The following TRHDE variants were observed in gnomAD, a reference collection of about 807,000 sequenced individuals.
The protein encoded by TRHDE is thyrotropin releasing hormone degrading enzyme.
A neutral mutation model predicts 125.7 loss-of-function variants in TRHDE; 72 were observed. That is an observed-to-expected ratio of 0.57 (90% CI 0.47 to 0.70). The LOEUF (loss-of-function observed/expected upper bound fraction) is 0.70, where lower values mean the gene tolerates loss of function less well. Among genes scored for constraint, TRHDE ranks in the 30% least tolerant of loss-of-function variants. The pLI, the probability that TRHDE is intolerant of heterozygous loss-of-function variation, is 0.00. For missense variants in TRHDE, 1,110 were observed against 1,327.1 expected, an observed-to-expected ratio of 0.84 and a Z score of 2.54; for synonymous variants, 509 against 509.1, an observed-to-expected ratio of 1.00 and a Z score of 0.00.
intron 6 of TRHDE, among the ~76,000 whole-genome samples, chr12:72,539,803 A>C (rs1185071853): frequency 1.3e-5 from 2 of 151,858 alleles, no homozygotes; most frequent in Non-Finnish European, 2.9e-5. Context: ...AACAGTGATG[A>C]GTTTTCTAGA....
At chr12:72,510,217 C>T (rs986117536) in intron 6 of TRHDE, among the ~76,000 whole-genome samples, 4 of 152,198 alleles carry the variant, frequency 2.6e-5, no homozygotes, top group South Asian at 4.2e-4. Context: ...CTACTCACAG[C>T]GAATCAGTTA....
At chr12:72,238,368 TAC>T (rs1878404593) in intron 2 of TRHDE, among the ~76,000 whole-genome samples, 1 of 79,416 alleles carries the variant, frequency 1.3e-5, no homozygotes, top group Non-Finnish European at 2.7e-5. Context: ...TATATACACA[TAC>T]ATATATATAT....
At chr12:72,632,081 A>G (rs1358537186) in intron 15 of TRHDE, among the ~76,000 whole-genome samples, 1 of 151,984 alleles carries the variant, frequency 6.6e-6, no homozygotes, top group Admixed American at 6.6e-5. Flanking sequence ...ATTTGTCGAG[A>G]TGTAGCCTAA....
chr12:72,156,969 C>G (rs1876527990), intron 2 of TRHDE, among the ~76,000 whole-genome samples: 1 of 152,060 alleles, frequency 6.6e-6, no homozygotes, highest in Admixed American at 6.5e-5. Flanking sequence ...TGCACACATG[C>G]TGTTATTGCT....
rs461075 is a variant in TRHDE, at chr12:72,666,602, C to T, written c.*3407C>T. 144,234 of 152,170 alleles carry T rather than the reference C, an allele frequency of 0.95. 68,366 individuals are homozygous for T. The highest frequency in any genetic ancestry group is 1 in the East Asian group (5,150 of 5,160). The allele number at this position is 152,170 out of a possible 1,614,324, so 9.4% of individuals were successfully genotyped here. On this transcript the variant is annotated 3_prime_UTR_variant, in exon 19 of 19. Transcript: ENST00000261180. ...GTTGTTATTTTGGGAACCAATATAA[C>T]AACCTAAGTCTATCACAACATCATT...
Position 72,530,756 on chromosome 12 carries a change from C to T in TRHDE, c.1723-11535C>T, listed in dbSNP as rs1868512210. Among the ~76,000 whole-genome samples the T allele has an allele frequency of 2.0e-5, 3 of 151,786 alleles. No homozygotes were observed. In the South Asian group the frequency reaches 6.2e-4, roughly 32 times the overall value. On this transcript the variant is annotated intron_variant, in intron 6 of 18. Transcript: ENST00000261180. The stretch of plus-strand genomic sequence containing the variant: ...ATGTCAATTTATTAAAGAAATCTTT[C>T]CTGATTATCTTACCTAACATATGAG...
chr12:72,352,540 T>C (rs1870628677), intron 2 of TRHDE, among the ~76,000 whole-genome samples: 1 of 151,866 alleles, frequency 6.6e-6, no homozygotes, highest in Non-Finnish European at 1.5e-5. Context: ...ATAATACTTT[T>C]GAATATCTGT....
At chr12:72,590,885 CTCTA>C (rs1415036090) in intron 12 of TRHDE, among the ~76,000 whole-genome samples, 7 of 152,100 alleles carry the variant, frequency 4.6e-5, no homozygotes, top group Admixed American at 2.0e-4. Flanking sequence ...TTATTGTTCC[CTCTA>C]TCTTTTTATT....
intron 2 of TRHDE, among the ~76,000 whole-genome samples, chr12:72,127,850 A>G (rs563487931): frequency 8.5e-5 from 13 of 152,248 alleles, no homozygotes; most frequent in African/African-American, 3.1e-4. Context: ...ATATGTACAG[A>G]GAGACATTGT....
At chr12:72,385,072 T>C (rs951162103) in intron 3 of TRHDE, among the ~76,000 whole-genome samples, 3 of 152,142 alleles carry the variant, frequency 2.0e-5, no homozygotes, top group African/African-American at 7.2e-5. Flanking sequence ...TGCCTTGCCT[T>C]TGATTAGGTA....
In TRHDE at chr12:72,339,576, A is replaced by T. The variant is rs183393113; in HGVS notation, c.1189-38419A>T. Among the ~76,000 whole-genome samples the T allele has an allele frequency of 1.7e-3, 260 of 152,178 alleles. 1 individual carries two copies. Among genetic ancestry groups the T allele is most frequent in the African/African-American group, 5.9e-3 (247 of 41,540 alleles). On this transcript the variant is annotated intron_variant, in intron 2 of 18. Coordinates refer to ENST00000261180, the MANE Select transcript of TRHDE (RefSeq NM_013381.3). ...CTAGCAGGATTTTGCTCTCATAGTT[A>T]TGTTTCCAATGAGCATCTTCTATTT...
intron 12 of TRHDE, among the ~76,000 whole-genome samples, chr12:72,606,867 A>G (rs555161139): frequency 6.6e-6 from 1 of 152,246 alleles, no homozygotes; most frequent in Non-Finnish European, 1.5e-5. Flanking sequence ...CACACTTCAA[A>G]TTAATTTATT....
chr12:72,555,669 T>C (rs1869887365), intron 7 of TRHDE, among the ~76,000 whole-genome samples: 2 of 152,182 alleles, frequency 1.3e-5, no homozygotes. Context: ...TTTAAGTTGG[T>C]CATCTGTCAC....
At chr12:72,347,562 C>A (rs910656746) in intron 2 of TRHDE, among the ~76,000 whole-genome samples, 58 of 151,988 alleles carry the variant, frequency 3.8e-4, no homozygotes, top group African/African-American at 1.3e-3. Context: ...GCAGTCATCT[C>A]GGTTCACCAT....
chr12:72,189,016 G>A (rs1877285598), intron 2 of TRHDE, among the ~76,000 whole-genome samples: 1 of 152,102 alleles, frequency 6.6e-6, no homozygotes, highest in African/African-American at 2.4e-5. Context: ...TCAGAAATGA[G>A]GATAATAAAA....
chr12:72,591,496 C>A (rs1871679546), intron 12 of TRHDE, among the ~76,000 whole-genome samples: 1 of 151,736 alleles, frequency 6.6e-6, no homozygotes, highest in Admixed American at 6.6e-5. Flanking sequence ...CTTTAAAAAA[C>A]CCAAAAGAAA....
rs1348844412 is a variant in TRHDE at position 72,238,317 on chromosome 12, T to TACACACATA, written n.279+132566_279+132567insCACACATAA. On this transcript the variant is annotated intron_variant and non_coding_transcript_variant, in intron 2 of 4. Transcript: ENST00000548156. The stretch of plus-strand genomic sequence containing the variant: ...ATATATATATATATATATATATATA[T>TACACACATA]ATATACATATATATATACACATTAT... Among the ~76,000 whole-genome samples the TACACACATA allele has an allele frequency of 6.3e-5, 2 of 31,540 alleles. 1 individual carries two copies. The highest frequency in any genetic ancestry group is 1.4e-4 in the Non-Finnish European group (2 of 14,586). The allele number at this position is 31,540 out of a possible 152,430, so 20.7% of individuals were successfully genotyped here.
intron 1 of TRHDE, among the ~76,000 whole-genome samples, chr12:72,279,666 A>G (rs555078606): frequency 1.3e-5 from 2 of 152,312 alleles, no homozygotes; most frequent in South Asian, 4.1e-4. Context: ...TGGTGGTGGC[A>G]GTGTGAGGGT....
rs572907605 is a variant in TRHDE, at chr12:72,657,922, C to G, written c.3066+914C>G. 3.9e-5 allele frequency among the ~76,000 whole-genome samples: 6 copies of G among 152,256 alleles called. No homozygotes were observed. The South Asian group carries it at 1.2e-3, about 32-fold the overall frequency. ...AGAATGATGGTTTTCTCAGTTTTCA[C>G]TGACAGAATGCCTAATGCTGTGCCC... On this transcript the variant is annotated intron_variant, in intron 18 of 18. Transcript: ENST00000261180.
Sources: gnomAD v4.1 joint callset for allele counts (sites outside exome capture counted in the v4.1 genomes callset) on GRCh38, gnomAD v4.1.1 for gene constraint, MANE v1.5 for transcripts, NCBI Gene and HGNC (gene_info 2026-07-23, HGNC 2026-07-21) for gene names.